The following MBP variants were observed in gnomAD, a reference collection of about 807,000 sequenced individuals.
MBP encodes the protein Golli-MBP.
A neutral mutation model predicts 35.8 loss-of-function variants in MBP; 16 were observed. The observed-to-expected ratio is 0.45, with a 90% CI of 0.30 to 0.68. The LOEUF is 0.68. MBP is among the 30% of genes least tolerant of loss of function. MBP has a pLI of 0.08. For missense variants in MBP, 380 were observed against 404.7 expected (o/e 0.94, Z 0.52); for synonymous variants, 143 against 159.6 (o/e 0.90, Z 0.78).
intron 2 of MBP, among the ~76,000 whole-genome samples, chr18:77,082,073 C>G (rs1247642533): frequency 6.6e-6 from 1 of 151,600 alleles, no homozygotes; most frequent in Non-Finnish European, 1.5e-5. Flanking sequence ...GGGATGGTTT[C>G]GATCTCCTGA....
Position 76,989,828 on chromosome 18 carries a change from C to A in MBP, c.681+128G>T. On this transcript the variant is annotated intron_variant, in intron 5 of 8. Coordinates refer to ENST00000355994, the MANE Select transcript of MBP (RefSeq NM_001025101.2). This position sits in a 1 kb window ranked among gnomAD's most constrained non-coding sequence, Gnocchi z 4.0. ...AGGTGCGAGGGGGGAGTTCCCCGGC[C>A]GGCCTCACCCTGATGATGACCCCGG... 1.4e-6 allele frequency: 1 copy of A among 733,174 alleles called. No individual in the cohort carries two copies. Among genetic ancestry groups the A allele is most frequent in the South Asian group, 1.7e-5 (1 of 58,344 alleles). 45.4% of individuals were successfully genotyped at this position (733,174 alleles called of 1,614,324 possible).
intron 3 of MBP, among the ~76,000 whole-genome samples, chr18:77,019,126 T>G (rs1055466645): frequency 6.6e-6 from 1 of 152,006 alleles, no homozygotes; most frequent in African/African-American, 2.4e-5. Flanking sequence ...ATTCTAAATA[T>G]CTGAGTTACA....
In MBP at chr18:77,020,865, G is replaced by A. The variant is rs998352934; in HGVS notation, c.140-3597C>T. The stretch of plus-strand genomic sequence containing the variant: ...ACCACAGGCCTGCCTAAGAGTGGAC[G>A]GCTCCAGGCTGCAGTGTGAACTCTT... On this transcript the variant is annotated intron_variant, in intron 3 of 8. Transcript: ENST00000355994. This position sits in a 1 kb window ranked among gnomAD's most constrained non-coding sequence, Gnocchi z 4.1. 2.6e-5 allele frequency among the ~76,000 whole-genome samples: 4 copies of A among 152,332 alleles called. No homozygotes were observed. The highest frequency in any genetic ancestry group is 4.8e-5 in the African/African-American group (2 of 41,582).
intron 3 of MBP, among the ~76,000 whole-genome samples, chr18:77,027,176 T>C (rs1972257200): frequency 6.6e-6 from 1 of 152,166 alleles, no homozygotes; most frequent in African/African-American, 2.4e-5. Flanking sequence ...AAGTTTTTAT[T>C]TTGCCAGCTA....
At chr18:77,084,970 G>C (rs1373872933) in intron 2 of MBP, among the ~76,000 whole-genome samples, 1 of 151,540 alleles carries the variant, frequency 6.6e-6, no homozygotes, top group Non-Finnish European at 1.5e-5. Context: ...GAGAGAGAGA[G>C]AGAGAGAGAG....
Position 77,028,914 on chromosome 18 carries a change from T to G in MBP, c.140-11646A>C, listed in dbSNP as rs113017085. On this transcript the variant is annotated intron_variant, in intron 3 of 8. Coordinates refer to ENST00000355994, the MANE Select transcript of MBP (RefSeq NM_001025101.2). The stretch of plus-strand genomic sequence containing the variant: ...GATGGGATGGCGGCCGGGCAGAGAC[T>G]CTCCTCACTTTCCAGACTGGGCAGC... Among the ~76,000 whole-genome samples, 133 of 100,650 alleles carry G rather than the reference T, an allele frequency of 1.3e-3. 6 individuals are homozygous for G. Among genetic ancestry groups the G allele is most frequent in the Middle Eastern group, 9.7e-3 (2 of 206 alleles). 66.0% of individuals were successfully genotyped at this position (100,650 alleles called of 152,430 possible).
chr18:77,122,779 T>G (rs748987644), intron 1 of MBP, among the ~76,000 whole-genome samples: 2 of 152,124 alleles, frequency 1.3e-5, no homozygotes, highest in African/African-American at 4.8e-5. Context: ...CTGACCTCAG[T>G]TGATCCTCCC....
At chr18:77,058,465 G>A (rs1053636176) in intron 3 of MBP, among the ~76,000 whole-genome samples, 6 of 152,180 alleles carry the variant, frequency 3.9e-5, no homozygotes, top group African/African-American at 1.4e-4. Flanking sequence ...GCAGACCCCA[G>A]CCCCAGGCAC....
At chr18:77,081,897 G>A (rs1316162516) in intron 2 of MBP, among the ~76,000 whole-genome samples, 1 of 98,550 alleles carries the variant, frequency 1.0e-5, no homozygotes, top group South Asian at 3.8e-4. Flanking sequence ...TGTCGCACAG[G>A]CTGGAGTGCA....
intron 4 of MBP, 170 bp downstream of exon 4, chr18:77,016,662 A>T: frequency 7.0e-7 from 1 of 1,426,716 alleles, no homozygotes; most frequent in Non-Finnish European, 9.1e-7. Context: ...CGTCCTAAGC[A>T]GCCACTCAGG....
At position 76,988,084 on chromosome 18, in the gene MBP, C is replaced by A. The variant is rs1040509642; in HGVS notation, c.750+411G>T. 1 of 1,482,156 alleles carries A rather than the reference C, an allele frequency of 6.7e-7. No individual in the cohort carries two copies. Among genetic ancestry groups the A allele is most frequent in the Non-Finnish European group, 8.9e-7 (1 of 1,117,650 alleles). 91.8% of individuals were successfully genotyped at this position (1,482,156 alleles called of 1,614,324 possible). A position where few individuals can be genotyped will look rare whatever the true frequency, so the allele number is the denominator to read the frequency against. On this transcript the variant is annotated intron_variant, in intron 7 of 8. Transcript: ENST00000355994. The surrounding 1 kb of genome is among the most constrained non-coding windows in gnomAD (Gnocchi z 5.2). ...AGAATCATTTTCCCAGTGTCAGCAT[C>A]TGGGGTCACTGAGACGGGCCAGCCA...
At chr18:77,017,324 A>G in intron 3 of MBP, 56 bp from the exon 4 acceptor site, 1 of 1,449,200 alleles carries the variant, frequency 6.9e-7, no homozygotes, top group East Asian at 2.3e-5. Flanking sequence ...GCACCGGACA[A>G]AGCAGCTTTC....
chr18:77,023,395 A>T (rs1264759134), intron 3 of MBP, among the ~76,000 whole-genome samples: 1 of 151,324 alleles, frequency 6.6e-6, no homozygotes, highest in Non-Finnish European at 1.5e-5. Context: ...AGGTCCTGCC[A>T]CTCCTTCTTT....
intron 2 of MBP, among the ~76,000 whole-genome samples, chr18:77,100,759 T>G (rs960970340): frequency 6.6e-6 from 1 of 152,010 alleles, no homozygotes; most frequent in Non-Finnish European, 1.5e-5. Flanking sequence ...CACTTTGTTG[T>G]CCAGGCTGGT....
At chr18:77,121,472 G>T (rs1012733988) in intron 1 of MBP, among the ~76,000 whole-genome samples, 1 of 152,176 alleles carries the variant, frequency 6.6e-6, no homozygotes, top group Non-Finnish European at 1.5e-5. Flanking sequence ...GTTCAGGAAG[G>T]CTGCTGCCAG....
intron 3 of MBP, among the ~76,000 whole-genome samples, chr18:77,053,476 G>A (rs528161592): frequency 6.6e-6 from 1 of 152,370 alleles, no homozygotes; most frequent in South Asian, 2.1e-4. Context: ...GAGTTCCAGG[G>A]ACATTTTGTC....
intron 4 of MBP, among the ~76,000 whole-genome samples, chr18:77,001,180 T>C (rs1447910201): frequency 6.9e-6 from 1 of 145,138 alleles, no homozygotes; most frequent in Non-Finnish European, 1.5e-5. Flanking sequence ...TTCCCACTCA[T>C]AGGGTCCCCG....
chr18:77,027,821 G>T (rs941906922), intron 3 of MBP, among the ~76,000 whole-genome samples: 4 of 152,110 alleles, frequency 2.6e-5, no homozygotes, highest in African/African-American at 9.7e-5. Flanking sequence ...CTGAGGAGCT[G>T]TGACTACAGG....
Position 77,016,846 on chromosome 18 carries a change from G to T in MBP, c.562C>A (p.Arg188=). 1.2e-6 allele frequency: 2 copies of T among 1,614,078 alleles called. No homozygotes were observed. The highest frequency in any genetic ancestry group is 2.2e-5 in the East Asian group (1 of 44,870). Residue 188 remains arginine (R), a synonymous_variant, in exon 4 of 9, where the codon CGG becomes AGG. Transcript: ENST00000355994. ...TCAGAGCTCACCTTGCCAGAGCCCCGCTTGGGCGCACCCCTGTCACCGCCA... is the reference window on the plus strand; with the variant it reads ...TCAGAGCTCACCTTGCCAGAGCCCCTCTTGGGCGCACCCCTGTCACCGCCA... ...FFGGDRGAPK[R]GSGKDSHHPA...
Sources: gnomAD v4.1 joint callset for allele counts (sites outside exome capture counted in the v4.1 genomes callset) on GRCh38, gnomAD v4.1.1 for gene constraint, Gnocchi (gnomAD v3.1) non-coding constraint, MANE v1.5 for transcripts, NCBI Gene and HGNC (gene_info 2026-07-23, HGNC 2026-07-21) for gene names.